The following MAP2K5 variants were observed in gnomAD, a reference collection of about 807,000 sequenced individuals.
MAP2K5 encodes the protein dual specificity mitogen-activated protein kinase kinase 5.
Under a neutral mutation model 83.1 loss-of-function variants are expected in MAP2K5, and 49 were observed. The observed-to-expected ratio is 0.59, with a 90% CI of 0.47 to 0.75. MAP2K5 has a LOEUF of 0.75. MAP2K5 is among the 30% of genes least tolerant of loss of function. The pLI is 0.00. For synonymous variants in MAP2K5, 202 were observed against 191.8 expected (o/e 1.05, Z -0.44); for missense variants, 457 against 557.5 (o/e 0.82, Z 1.82).
At chr15:67,709,690 C>T (rs1186973231) in intron 16 of MAP2K5, among the ~76,000 whole-genome samples, 1 of 152,128 alleles carries the variant, frequency 6.6e-6, no homozygotes, top group Non-Finnish European at 1.5e-5. Context: ...AGTAATTATT[C>T]CATTTATATT....
chr15:67,748,918 A>AT lies in MAP2K5; in HGVS notation c.1134+324dup, dbSNP rs1163112702. Among the ~76,000 whole-genome samples the AT allele has an allele frequency of 6.6e-6, 1 of 152,042 alleles. No homozygotes were observed. Among genetic ancestry groups the AT allele is most frequent in the Non-Finnish European group, 1.5e-5 (1 of 68,018 alleles). ...TGGAACTGGAAATTAAAATGATATC[A>AT]TTTTTTTCTGCAACAGTTATTTAAA... On this transcript the variant is annotated intron_variant, in intron 19 of 21. Transcript: ENST00000178640. The surrounding 1 kb of genome is among the most constrained non-coding windows in gnomAD (Gnocchi z 4.0).
intron 21 of MAP2K5, among the ~76,000 whole-genome samples, chr15:67,788,587 G>A (rs1300887978): frequency 6.6e-6 from 1 of 152,136 alleles, no homozygotes; most frequent in Non-Finnish European, 1.5e-5. Flanking sequence ...AAGCACATAA[G>A]CACTTAATAT....
At chr15:67,628,064 G>A in intron 8 of MAP2K5, 1 of 739,500 alleles carries the variant, frequency 1.4e-6, no homozygotes, top group Non-Finnish European at 2.4e-6. Context: ...ATGCAGCCAT[G>A]AATGCAAGGC....
intron 2 of MAP2K5, among the ~76,000 whole-genome samples, chr15:67,550,914 G>A (rs1327459806): frequency 6.6e-6 from 1 of 152,094 alleles, no homozygotes; most frequent in African/African-American, 2.4e-5. Context: ...TGAGATTACA[G>A]GTGTGCACCA....
rs763541587 is a variant in MAP2K5 at position 67,552,366 on chromosome 15, G to GT, written c.184+2284_184+2285insT. ...GTTAACATTCGGAGTACTTACTGTT[G>GT]ACAGATGCTTTGCTAAGAGCATTCC... On this transcript the variant is annotated intron_variant, in intron 2 of 21. Transcript: ENST00000178640. This position sits in a 1 kb window ranked among gnomAD's most constrained non-coding sequence, Gnocchi z 4.2. 3.9e-5 allele frequency among the ~76,000 whole-genome samples: 6 copies of GT among 152,156 alleles called. No individual in the cohort carries two copies. The highest frequency in any genetic ancestry group is 8.8e-5 in the Non-Finnish European group (6 of 68,028).
At chr15:67,611,276 G>C (rs1486785656) in intron 8 of MAP2K5, among the ~76,000 whole-genome samples, 1 of 152,004 alleles carries the variant, frequency 6.6e-6, no homozygotes, top group East Asian at 1.9e-4. Flanking sequence ...AAAATACATG[G>C]GATAAAATTA....
rs2090297688 is a variant in MAP2K5 at position 67,779,769 on chromosome 15, C to G, written c.1242+7017C>G. ...TATCTTGTTTCAAGGCACAGTGAAG[C>G]TGTGTAGCATTCATTGAGCACAGGA... On this transcript the variant is annotated intron_variant, in intron 21 of 21. Transcript: ENST00000178640. The surrounding 1 kb of genome is among the most constrained non-coding windows in gnomAD (Gnocchi z 4.6). Among the ~76,000 whole-genome samples the G allele has an allele frequency of 6.6e-6, 1 of 152,136 alleles. No individual in the cohort carries two copies. The highest frequency in any genetic ancestry group is 1.5e-5 in the Non-Finnish European group (1 of 68,034).
At chr15:67,596,274 T>C (rs1283570420) in intron 7 of MAP2K5, among the ~76,000 whole-genome samples, 1 of 152,020 alleles carries the variant, frequency 6.6e-6, no homozygotes, top group African/African-American at 2.4e-5. Context: ...TACAAAAAAT[T>C]TGCTGGGTGT....
intron 16 of MAP2K5, among the ~76,000 whole-genome samples, chr15:67,704,994 C>G (rs1239536767): frequency 6.6e-6 from 1 of 152,126 alleles, no homozygotes; most frequent in Non-Finnish European, 1.5e-5. Flanking sequence ...CTTCACTGGG[C>G]CTCAGTTTCT....
intron 8 of MAP2K5, chr15:67,628,372 C>T (rs1438334330): frequency 3.1e-5 from 16 of 521,406 alleles, no homozygotes; most frequent in Middle Eastern, 5.2e-4. Context: ...CCCAGCTACT[C>T]GGGAGGCTGA....
At chr15:67,688,770 A>G (rs1272941472) in intron 13 of MAP2K5, among the ~76,000 whole-genome samples, 1 of 152,216 alleles carries the variant, frequency 6.6e-6, no homozygotes, top group Non-Finnish European at 1.5e-5. Context: ...AAACTAAAAC[A>G]TCACATGCCA....
chr15:67,766,897 T>G (rs1003488334), intron 19 of MAP2K5, among the ~76,000 whole-genome samples: 1 of 152,224 alleles, frequency 6.6e-6, no homozygotes, highest in Non-Finnish European at 1.5e-5. Flanking sequence ...CTCAGTCTTC[T>G]GCATCTCAGA....
chr15:67,658,493 A>C (rs2087144610), intron 11 of MAP2K5, 60 bp from the exon 12 acceptor site: 3 of 1,274,524 alleles, frequency 2.4e-6, no homozygotes, highest in Non-Finnish European at 3.4e-6. Flanking sequence ...ACACAGGAGA[A>C]GCCCAGTGCA....
At chr15:67,663,866 T>G (rs1280504527) in intron 12 of MAP2K5, among the ~76,000 whole-genome samples, 1 of 152,056 alleles carries the variant, frequency 6.6e-6, no homozygotes, top group Non-Finnish European at 1.5e-5. Context: ...CAGAGTGAGA[T>G]CCTGTCTCAG....
In MAP2K5 at chr15:67,780,857, A is replaced by G. The variant is rs1299706375; in HGVS notation, c.1242+8105A>G. Among the ~76,000 whole-genome samples the G allele has an allele frequency of 1.3e-5, 2 of 152,228 alleles. No homozygotes were observed. Among genetic ancestry groups the G allele is most frequent in the Non-Finnish European group, 2.9e-5 (2 of 68,020 alleles). On this transcript the variant is annotated intron_variant, in intron 21 of 21. Coordinates refer to ENST00000178640, the MANE Select transcript of MAP2K5 (RefSeq NM_145160.3). This position sits in a 1 kb window ranked among gnomAD's most constrained non-coding sequence, Gnocchi z 5.0. ...CCACCCTGGATGTATGGACAGAGCT[A>G]GGAGGTGCTGACCAGGTGGTGATCA...
At chr15:67,773,067 A>G (rs1451532882) in intron 21 of MAP2K5, among the ~76,000 whole-genome samples, 1 of 152,230 alleles carries the variant, frequency 6.6e-6, no homozygotes, top group Non-Finnish European at 1.5e-5. Context: ...TTGGTAACAG[A>G]AGATCATCAG....
At position 67,644,250 on chromosome 15, in the gene MAP2K5, C is replaced by T. The variant is rs930638042; in HGVS notation, c.586-1981C>T. Among the ~76,000 whole-genome samples the T allele has an allele frequency of 7.2e-5, 11 of 152,070 alleles. No individual in the cohort carries two copies. Among genetic ancestry groups the T allele is most frequent in the South Asian group, 2.1e-4 (1 of 4,802 alleles). On this transcript the variant is annotated intron_variant, in intron 9 of 21. Transcript: ENST00000178640. This position sits in a 1 kb window ranked among gnomAD's most constrained non-coding sequence, Gnocchi z 4.6. ...CTGCGCTAAAAATAGAAAAATCAAC[C>T]GGGTGTGGTGGCAGGTGCCTGTAAT...
rs1046158933 is a variant in MAP2K5 at position 67,552,686 on chromosome 15, C to T, written c.184+2604C>T. 2.6e-5 allele frequency among the ~76,000 whole-genome samples: 4 copies of T among 152,156 alleles called. No homozygotes were observed. The highest frequency in any genetic ancestry group is 7.2e-5 in the African/African-American group (3 of 41,438). On this transcript the variant is annotated intron_variant, in intron 2 of 21. Transcript: ENST00000178640. This position sits in a 1 kb window ranked among gnomAD's most constrained non-coding sequence, Gnocchi z 4.2. ...TCCTGGCCTCAAGTGATAGTCCCAT[C>T]TTGGCCTTTCAAAGTGCTGGGATTA...
chr15:67,729,147 A>G (rs577372584), intron 17 of MAP2K5, among the ~76,000 whole-genome samples: 5 of 152,332 alleles, frequency 3.3e-5, no homozygotes, highest in African/African-American at 4.8e-5. Flanking sequence ...ATTTTAGTGT[A>G]TATAGCCTTG....
Sources: gnomAD v4.1 joint callset for allele counts (sites outside exome capture counted in the v4.1 genomes callset) on GRCh38, gnomAD v4.1.1 for gene constraint, Gnocchi (gnomAD v3.1) non-coding constraint, MANE v1.5 for transcripts, NCBI Gene and HGNC (gene_info 2026-07-23, HGNC 2026-07-21) for gene names.